SULF1: variants seen among roughly 807,000 people sequenced by gnomAD.
SULF1 encodes sulfatase 1.
SULF1 carries 46 observed loss-of-function variants against 110.5 expected under a neutral mutation model. The ratio of observed to expected loss-of-function variants is 0.42; its 90% CI spans 0.33 to 0.53. SULF1 has a LOEUF of 0.53. SULF1 is among the 20% of genes least tolerant of loss of function. The pLI, the probability that SULF1 is intolerant of heterozygous loss-of-function variation, is 0.12. For missense variants in SULF1, 941 were observed against 1,094.2 expected (o/e 0.86, Z 1.98); for synonymous variants, 371 against 387.1 (o/e 0.96, Z 0.49).
At chr8:69,600,446 T>C (rs563623684) in intron 8 of SULF1, among the ~76,000 whole-genome samples, 157 bp from the exon 9 acceptor site, 2 of 152,318 alleles carry the variant, frequency 1.3e-5, no homozygotes, top group African/African-American at 2.4e-5. Context: ...GAAGACTTCA[T>C]CTTCTTATAA....
chr8:69,606,885 C>T (rs1808254591), intron 13 of SULF1, among the ~76,000 whole-genome samples: 1 of 152,180 alleles, frequency 6.6e-6, no homozygotes, highest in Non-Finnish European at 1.5e-5. Flanking sequence ...GCAATGGTCT[C>T]TTTTAGAAAG....
At chr8:69,566,096 A>G (rs1463824325) in intron 5 of SULF1, among the ~76,000 whole-genome samples, 1 of 151,764 alleles carries the variant, frequency 6.6e-6, no homozygotes, top group African/African-American at 2.4e-5. Context: ...TCATTCCACC[A>G]TAGCCTTCCA....
chr8:69,502,680 C>CTTTCTTTTTCTTTTTTTTTT (rs1810890406), intron 3 of SULF1, among the ~76,000 whole-genome samples: 1 of 116,460 alleles, frequency 8.6e-6, no homozygotes, highest in African/African-American at 3.4e-5. Flanking sequence ...TTTTCTTTTT[C>CTTTCTTTTTCTTTTTTTTTT]TTTTTTTTTC....
chr8:69,571,792 G>C (rs1201467664), intron 5 of SULF1, among the ~76,000 whole-genome samples: 2 of 152,224 alleles, frequency 1.3e-5, no homozygotes, highest in Admixed American at 1.3e-4. Flanking sequence ...CACAATCACA[G>C]TGGGAATATA....
chr8:69,610,096 C>T (rs532376050), intron 13 of SULF1, among the ~76,000 whole-genome samples: 15 of 152,286 alleles, frequency 9.8e-5, no homozygotes, highest in South Asian at 4.1e-4. Context: ...AATATCACAT[C>T]CTTTTGATGA....
intron 1 of SULF1, among the ~76,000 whole-genome samples, chr8:69,470,547 T>C (rs1809039492): frequency 1.3e-5 from 2 of 152,030 alleles, no homozygotes; most frequent in African/African-American, 4.8e-5. Flanking sequence ...CTTTAAAATA[T>C]CTCCCACATG....
At chr8:69,475,765 G>A (rs911298276) in intron 1 of SULF1, among the ~76,000 whole-genome samples, 10 of 152,116 alleles carry the variant, frequency 6.6e-5, no homozygotes, top group Non-Finnish European at 1.3e-4. Context: ...AATAATATAT[G>A]TGCTGCTGAA....
intron 5 of SULF1, among the ~76,000 whole-genome samples, chr8:69,574,002 C>T (rs151290296): frequency 1.2e-4 from 19 of 152,166 alleles, no homozygotes; most frequent in South Asian, 4.2e-4. Context: ...CTTCTTTCCT[C>T]AGGGGTAGAC....
intron 22 of SULF1, among the ~76,000 whole-genome samples, chr8:69,655,112 C>T (rs1385569729): frequency 6.6e-6 from 1 of 152,120 alleles, no homozygotes; most frequent in Non-Finnish European, 1.5e-5. Flanking sequence ...CTGTTAAGAC[C>T]CTGATCTATC....
chr8:69,467,779 G>A (rs974175296), intron 1 of SULF1, among the ~76,000 whole-genome samples: 1 of 152,166 alleles, frequency 6.6e-6, no homozygotes, highest in East Asian at 1.9e-4. Context: ...AGATTTTCAG[G>A]TTTGGTTATA....
chr8:69,529,655 A>G (rs564653145), intron 3 of SULF1, among the ~76,000 whole-genome samples: 1 of 152,274 alleles, frequency 6.6e-6, no homozygotes, highest in East Asian at 1.9e-4. Context: ...TTACTAGAGT[A>G]GGAGGATCCT....
Position 69,589,084 on chromosome 8 carries a change from GC to G in SULF1, c.681del (p.Glu228ArgfsTer18). ...MMVISHAAPH[G>X]PEDSAPQFSK... ...GTGATCAGCCACGCTGCGCCCCACGGCCCCGAGGACTCAGCCCCACAGTTTT... is the reference window on the plus strand; with the variant it reads ...GTGATCAGCCACGCTGCGCCCCACGGCCCGAGGACTCAGCCCCACAGTTTT... On this transcript the variant is annotated frameshift_variant, in exon 8 of 23. Transcript: ENST00000402687. LOFTEE classifies it high-confidence loss of function. 6.2e-7 allele frequency: 1 copy of G among 1,614,130 alleles called. No homozygotes were observed. Among genetic ancestry groups the G allele is most frequent in the Non-Finnish European group, 8.5e-7 (1 of 1,180,004 alleles).
At chr8:69,498,846 G>A (rs79943584) in intron 2 of SULF1, among the ~76,000 whole-genome samples, 2,771 of 152,278 alleles carry the variant, frequency 0.018, 80 homozygotes, top group African/African-American at 0.063. Flanking sequence ...GGACCATGGA[G>A]CTCCAGTACA....
chr8:69,575,302 G>A (rs1805523458), intron 5 of SULF1, among the ~76,000 whole-genome samples: 1 of 151,422 alleles, frequency 6.6e-6, no homozygotes, highest in East Asian at 1.9e-4. Context: ...GAGTGCAATC[G>A]AATTATAGCT....
At chr8:69,571,295 C>T (rs1445074088) in intron 5 of SULF1, among the ~76,000 whole-genome samples, 1 of 152,208 alleles carries the variant, frequency 6.6e-6, no homozygotes. Flanking sequence ...ACAGGAAGTA[C>T]TTGATGGCAT....
intron 8 of SULF1, among the ~76,000 whole-genome samples, chr8:69,596,817 A>G (rs1354669377): frequency 6.6e-6 from 1 of 152,182 alleles, no homozygotes; most frequent in Non-Finnish European, 1.5e-5. Flanking sequence ...CTATTAAGGG[A>G]TAAGCTCTTT....
At chr8:69,655,125 G>A (rs185507292) in intron 22 of SULF1, among the ~76,000 whole-genome samples, 28 of 152,284 alleles carry the variant, frequency 1.8e-4, no homozygotes, top group Middle Eastern at 3.4e-3. Context: ...GATCTATCCC[G>A]TCGGGGCTAC....
chr8:69,619,736 C>T (rs1296657733), intron 13 of SULF1, among the ~76,000 whole-genome samples: 3 of 152,216 alleles, frequency 2.0e-5, no homozygotes, highest in East Asian at 1.9e-4. Flanking sequence ...AGGGGTGTGG[C>T]ATGCCTGCTT....
chr8:69,619,681 G>A (rs1314198276), intron 13 of SULF1, among the ~76,000 whole-genome samples: 1 of 152,252 alleles, frequency 6.6e-6, no homozygotes, highest in East Asian at 1.9e-4. Flanking sequence ...CGAGTATGCA[G>A]TTGAAACTGC....
Sources: allele counts gnomAD v4.1 joint callset (sites outside exome capture counted in the v4.1 genomes callset), GRCh38; gene constraint gnomAD v4.1.1; transcripts MANE v1.5; gene names NCBI Gene and HGNC (gene_info 2026-07-23, HGNC 2026-07-21).